The following RNMT variants were observed in gnomAD, a reference collection of about 807,000 sequenced individuals.
The protein encoded by RNMT is mRNA cap guanine-N(7) methyltransferase.
A neutral mutation model predicts 56.0 loss-of-function variants in RNMT; 27 were observed. The observed-to-expected ratio is 0.48, with a 90% CI of 0.36 to 0.67. The LOEUF is 0.67. Ranked by LOEUF, RNMT falls within the 30% of genes least tolerant of loss-of-function variation. The pLI is 0.00. For synonymous variants in RNMT, 184 were observed against 176.2 expected (o/e 1.04, Z -0.35); for missense variants, 519 against 552.1 (o/e 0.94, Z 0.60).
At chr18:13,737,236 G>A (rs1254945594) in intron 5 of RNMT, 101 bp downstream of exon 5, 2 of 1,091,562 alleles carry the variant, frequency 1.8e-6, no homozygotes, top group Non-Finnish European at 2.6e-6. Flanking sequence ...CTATGCATGA[G>A]ATGGGTTTTT....
rs541418794 is a variant in RNMT, at chr18:13,761,939, G to C, written c.*1960G>C. On this transcript the variant is annotated 3_prime_UTR_variant, in exon 12 of 12. Transcript: ENST00000383314. ...ACTGTTAGGAAGAGGACTAGAAAAG[G>C]CTTCCCCTGCCTATCCTCTCCGATC... 1.3e-5 allele frequency: 19 copies of C among 1,412,620 alleles called. 1 individual carries two copies. The Middle Eastern group carries it at 1.6e-3, about 118-fold the overall frequency. The allele number at this position is 1,412,620 out of a possible 1,614,324, so 87.5% of individuals were successfully genotyped here.
At chr18:13,745,778 C>A (rs2044341159) in intron 8 of RNMT, among the ~76,000 whole-genome samples, 1 of 150,102 alleles carries the variant, frequency 6.7e-6, no homozygotes, top group African/African-American at 2.4e-5. Flanking sequence ...AAAAAAAAAA[C>A]CTGCAAAGAA....
In RNMT at chr18:13,741,537, C is replaced by T. The variant is rs763498569; in HGVS notation, c.820C>T (p.Pro274Ser). Reference protein sequence around the residue: ...KELLIDKFRDPQMCFDICSCQ... With the variant: ...KELLIDKFRDSQMCFDICSCQ... The stretch of plus-strand genomic sequence containing the variant: ...ACTTCTGATTGACAAATTTCGTGAC[C>T]CACAAATGTGTTTTGACATCTGCAG... The change falls in exon 7 of 12, where the codon CCA becomes TCA. Residue 274 changes from proline (P) to serine (S), a missense_variant. Transcript: ENST00000383314. The T allele has an allele frequency of 1.2e-6, 2 of 1,611,714 alleles. No homozygotes were observed. Among genetic ancestry groups the T allele is most frequent in the South Asian group, 2.2e-5 (2 of 90,426 alleles).
At position 13,731,775 on chromosome 18, in the gene RNMT, T is replaced by A; in HGVS notation, c.258T>A (p.Pro86=). The A allele has an allele frequency of 6.2e-7, 1 of 1,613,024 alleles. No homozygotes were observed. The highest frequency in any genetic ancestry group is 8.5e-7 in the Non-Finnish European group (1 of 1,179,828). ...CATCCAAGAAGAGAAAACTTGATCCTGAAATTGTCCCAGAGGAAAAAGATT... is the reference window on the plus strand; with the variant it reads ...CATCCAAGAAGAGAAAACTTGATCCAGAAATTGTCCCAGAGGAAAAAGATT... ...DTPSKKRKLD[P]EIVPEEKDCG... Residue 86 remains proline, a synonymous_variant, in exon 3 of 12, where the codon CCT becomes CCA. Transcript: ENST00000383314.
At chr18:13,745,090 A>G (rs1222436362) in intron 8 of RNMT, among the ~76,000 whole-genome samples, 1 of 152,252 alleles carries the variant, frequency 6.6e-6, no homozygotes, top group Non-Finnish European at 1.5e-5. Flanking sequence ...AAGCTAGGCT[A>G]GTCCAAGATG....
chr18:13,745,156 T>C (rs1371089199), intron 8 of RNMT, among the ~76,000 whole-genome samples: 2 of 152,236 alleles, frequency 1.3e-5, no homozygotes, highest in Non-Finnish European at 2.9e-5. Context: ...TGAGGCAGCA[T>C]TCCTTTACAG....
At chr18:13,731,219 C>T (rs1360876631) in intron 2 of RNMT, among the ~76,000 whole-genome samples, 1 of 152,130 alleles carries the variant, frequency 6.6e-6, no homozygotes, top group Non-Finnish European at 1.5e-5. Flanking sequence ...CCAGCCTGCC[C>T]AACGTGGGGA....
At chr18:13,740,734 AC>A (rs2044239086) in intron 6 of RNMT, among the ~76,000 whole-genome samples, 1 of 152,218 alleles carries the variant, frequency 6.6e-6, no homozygotes, top group South Asian at 2.1e-4. Context: ...TTCACTTTTG[AC>A]TGGAAATTCT....
intron 5 of RNMT, 58 bp from the exon 6 acceptor site, chr18:13,740,109 A>G (rs953187369): frequency 2.5e-5 from 25 of 1,000,488 alleles, no homozygotes; most frequent in African/African-American, 6.4e-5. Flanking sequence ...GTTGAGATCA[A>G]TGTCTAGATT....
chr18:13,755,979 G>C (rs1010566840), intron 11 of RNMT, among the ~76,000 whole-genome samples: 4 of 152,164 alleles, frequency 2.6e-5, no homozygotes, highest in Non-Finnish European at 5.9e-5. Context: ...ATTGCACCTC[G>C]GGTGTAGCAC....
intron 9 of RNMT, among the ~76,000 whole-genome samples, chr18:13,750,602 C>A (rs2044424922): frequency 2.0e-5 from 3 of 152,036 alleles, no homozygotes; most frequent in South Asian, 2.1e-4. Context: ...AAATTTAAGA[C>A]CAGCCTGGGC....
Position 13,731,498 on chromosome 18 carries a change from ATCAAT to A in RNMT, c.-15_-11del. 2 of 1,562,724 alleles carry A rather than the reference ATCAAT, an allele frequency of 1.3e-6. No homozygotes were observed. Among genetic ancestry groups the A allele is most frequent in the East Asian group, 2.2e-5 (1 of 44,478 alleles). On this transcript the variant is annotated 5_prime_UTR_variant, in exon 3 of 12. The change abolishes the stop of an existing upstream ORF in the 5' untranslated region. Transcript: ENST00000383314. ...TAGTGTTGGTTCATGAAGTTTTACC[ATCAAT>A]TCAAGTAATCATAAATGGCAAATTC... is the stretch of plus-strand genomic sequence containing the variant.
chr18:13,759,887 G>A, intron 11 of RNMT, 55 bp from the exon 12 acceptor site: 4 of 1,472,358 alleles, frequency 2.7e-6, no homozygotes, highest in Middle Eastern at 1.7e-4. Flanking sequence ...AAGACAGATT[G>A]TTTTATTTAT....
intron 3 of RNMT, among the ~76,000 whole-genome samples, chr18:13,733,639 C>T (rs1314701845): frequency 1.3e-5 from 2 of 152,166 alleles, no homozygotes; most frequent in Admixed American, 1.3e-4. Flanking sequence ...GGGCCTCCCA[C>T]AGTGCTGGGA....
At chr18:13,728,571 A>G (rs948038683) in intron 1 of RNMT, among the ~76,000 whole-genome samples, 8 of 151,846 alleles carry the variant, frequency 5.3e-5, no homozygotes, top group African/African-American at 1.9e-4. Flanking sequence ...CCTGACCTCA[A>G]GTGATCTGCC....
intron 6 of RNMT, among the ~76,000 whole-genome samples, chr18:13,740,696 A>G (rs113940047): frequency 6.6e-6 from 1 of 152,356 alleles, no homozygotes; most frequent in African/African-American, 2.4e-5. Context: ...ATGTGTTTTG[A>G]AACTTTAAAA....
At chr18:13,728,246 C>T (rs1176377328) in intron 1 of RNMT, among the ~76,000 whole-genome samples, 1 of 150,366 alleles carries the variant, frequency 6.7e-6, no homozygotes, top group Non-Finnish European at 1.5e-5. Flanking sequence ...TTACGTTCTC[C>T]CTAACAGTGT....
chr18:13,745,443 T>C (rs1242862209), intron 8 of RNMT, among the ~76,000 whole-genome samples: 1 of 152,076 alleles, frequency 6.6e-6, no homozygotes, highest in Admixed American at 6.5e-5. Context: ...GTTTTCTAGG[T>C]AAAATAGAAA....
intron 10 of RNMT, 113 bp downstream of exon 10, chr18:13,752,540 A>G: frequency 1.5e-6 from 1 of 655,902 alleles, no homozygotes; most frequent in Non-Finnish European, 2.6e-6. Flanking sequence ...ACTGACTTAC[A>G]AATCAGTTGT....
Sources: gnomAD v4.1 joint callset for allele counts (sites outside exome capture counted in the v4.1 genomes callset) on GRCh38, gnomAD v4.1.1 for gene constraint, MANE v1.5 for transcripts, NCBI Gene and HGNC (gene_info 2026-07-23, HGNC 2026-07-21) for gene names.